PTK2: variants seen among roughly 807,000 people sequenced by gnomAD.
PTK2 encodes focal adhesion kinase 1.
Under a neutral mutation model 150.1 loss-of-function variants are expected in PTK2, and 45 were observed. The observed-to-expected ratio is 0.30, with a 90% CI of 0.24 to 0.38. PTK2 has a LOEUF of 0.38. Among genes scored for constraint, PTK2 ranks in the 10% least tolerant of loss-of-function variants. The pLI is 1.00. For missense variants in PTK2, 919 were observed against 1,307.3 expected, an observed-to-expected ratio of 0.70 and a Z score of 4.58; for synonymous variants, 432 against 449.2, an observed-to-expected ratio of 0.96 and a Z score of 0.48.
exon 4 of PTK2, chr8:140,879,549 A>C (rs777025498): frequency 8.7e-6 from 14 of 1,613,854 alleles, no homozygotes; most frequent in Non-Finnish European, 1.2e-5. Flanking sequence ...AAGCCAGTGA[A>C]CCTCCTCTGA....
chr8:140,856,883 T>C (rs541542198), intron 5 of PTK2, among the ~76,000 whole-genome samples: 2 of 152,334 alleles, frequency 1.3e-5, no homozygotes, highest in South Asian at 2.1e-4. Context: ...AAATTTAAGA[T>C]GGATTAATGG....
At chr8:140,992,037 A>G (rs1041559720) in intron 1 of PTK2, among the ~76,000 whole-genome samples, 2 of 152,144 alleles carry the variant, frequency 1.3e-5, no homozygotes, top group African/African-American at 4.8e-5. Context: ...CATGCCCATA[A>G]TCTCAGCACT....
intron 8 of PTK2, among the ~76,000 whole-genome samples, chr8:140,827,583 A>G (rs1410810665): frequency 6.6e-6 from 1 of 152,146 alleles, no homozygotes; most frequent in Non-Finnish European, 1.5e-5. Flanking sequence ...GGCATAACCA[A>G]GGAAAGAAAC....
chr8:140,752,375 GATT>G, intron 16 of PTK2, 59 bp from the exon 20 acceptor site: 1 of 1,491,494 alleles, frequency 6.7e-7, no homozygotes, highest in Non-Finnish European at 9.3e-7. Flanking sequence ...TATATTAATT[GATT>G]CATGAAAACC....
intron 22 of PTK2, among the ~76,000 whole-genome samples, chr8:140,720,489 G>C (rs532019799): frequency 6.6e-6 from 1 of 152,124 alleles, no homozygotes; most frequent in Admixed American, 6.5e-5. Flanking sequence ...CTGACATCAG[G>C]TTTAAATTCT....
chr8:140,808,160 T>C (rs546400952), intron 10 of PTK2, among the ~76,000 whole-genome samples: 5 of 152,310 alleles, frequency 3.3e-5, no homozygotes, highest in African/African-American at 9.6e-5. Flanking sequence ...CATTTTTCTA[T>C]GCTGACAGGA....
intron 29 of PTK2, chr8:140,669,419 G>C: frequency 3.5e-6 from 1 of 289,674 alleles, no homozygotes; most frequent in East Asian, 6.0e-5. Flanking sequence ...CTAAATATAA[G>C]TTCCCATTTC....
intron 2 of PTK2, among the ~76,000 whole-genome samples, chr8:140,899,444 C>T (rs1601583406): frequency 6.6e-6 from 1 of 152,144 alleles, no homozygotes; most frequent in South Asian, 2.1e-4. Context: ...TGGACACATA[C>T]AACCTATCAA....
chr8:140,956,794 G>A (rs927166039), intron 1 of PTK2, among the ~76,000 whole-genome samples: 10 of 152,310 alleles, frequency 6.6e-5, no homozygotes, highest in Middle Eastern at 3.4e-3. Context: ...GCTGGGCACC[G>A]TGGCTCACAC....
intron 1 of PTK2, among the ~76,000 whole-genome samples, chr8:140,941,154 C>T (rs529211140): frequency 1.2e-4 from 19 of 152,230 alleles, no homozygotes; most frequent in Non-Finnish European, 2.1e-4. Context: ...TTCTAAAAAG[C>T]GTACCAGCAC....
intron 14 of PTK2, among the ~76,000 whole-genome samples, chr8:140,767,967 A>AC (rs2100073361): frequency 6.6e-6 from 1 of 151,916 alleles, no homozygotes; most frequent in African/African-American, 2.4e-5. Context: ...CAGAAAAATT[A>AC]CCCCCCAAGG....
At chr8:140,754,597 A>G (rs1444595649) in intron 16 of PTK2, among the ~76,000 whole-genome samples, 1 of 152,242 alleles carries the variant, frequency 6.6e-6, no homozygotes, top group East Asian at 1.9e-4. Context: ...CTCAGTAAAC[A>G]TGGTGCTTTA....
At chr8:140,922,066 C>T (rs1280789712) in intron 2 of PTK2, among the ~76,000 whole-genome samples, 1 of 152,144 alleles carries the variant, frequency 6.6e-6, no homozygotes, top group Non-Finnish European at 1.5e-5. Context: ...AAGTATTTTA[C>T]TTAACAGTGA....
intron 14 of PTK2, among the ~76,000 whole-genome samples, chr8:140,788,181 AC>A (rs755098284): frequency 2.6e-5 from 4 of 152,168 alleles, no homozygotes; most frequent in East Asian, 1.9e-4. Context: ...CATGCTGGCA[AC>A]CCCGAAGCTT....
intron 1 of PTK2, among the ~76,000 whole-genome samples, chr8:140,972,742 G>A (rs944343337): frequency 6.6e-6 from 1 of 152,056 alleles, no homozygotes; most frequent in Non-Finnish European, 1.5e-5. Flanking sequence ...TAGTCAACTA[G>A]ATTCCCAGGT....
At chr8:140,722,279 T>C (rs1254138225) in intron 22 of PTK2, among the ~76,000 whole-genome samples, 1 of 152,134 alleles carries the variant, frequency 6.6e-6, no homozygotes, top group Non-Finnish European at 1.5e-5. Context: ...GGCCAATTTC[T>C]TTTTTCTTTT....
intron 6 of PTK2, 38 bp downstream of exon 6, chr8:140,846,561 T>G: frequency 2.1e-6 from 3 of 1,456,238 alleles, no homozygotes; most frequent in Non-Finnish European, 1.9e-6. Flanking sequence ...ATTAAAAAAT[T>G]GATAAATAAA....
chr8:140,676,788 A>AAAAAAAAAAAAAAG (rs2100014102), intron 27 of PTK2, among the ~76,000 whole-genome samples: 1 of 146,412 alleles, frequency 6.8e-6, no homozygotes, highest in Non-Finnish European at 1.5e-5. Flanking sequence ...AAAAAAAAAA[A>AAAAAAAAAAAAAAG]ATAGCCAGGT....
intron 1 of PTK2, among the ~76,000 whole-genome samples, chr8:140,961,564 A>C (rs1438524016): frequency 6.6e-6 from 1 of 151,996 alleles, no homozygotes; most frequent in African/African-American, 2.4e-5. Flanking sequence ...TGGGAGGCTG[A>C]GGCAGGAGAA....
Sources: allele counts gnomAD v4.1 joint callset (sites outside exome capture counted in the v4.1 genomes callset), GRCh38; gene constraint gnomAD v4.1.1; transcripts MANE v1.5; gene names NCBI Gene and HGNC (gene_info 2026-07-23, HGNC 2026-07-21).